Variants in GMDS observed in about 807,000 individuals in gnomAD.
The protein encoded by GMDS is GDP-mannose 4,6-dehydratase.
GMDS carries 20 observed loss-of-function variants against 49.9 expected under a neutral mutation model. The observed-to-expected ratio is 0.40, with a 90% CI of 0.28 to 0.58. GMDS has a LOEUF of 0.58. Ranked by LOEUF, GMDS falls within the 20% of genes least tolerant of loss-of-function variation. The probability of loss-of-function intolerance (pLI) is 0.42; values close to 1 mark genes in which losing one functional copy is unlikely to be tolerated. For missense variants in GMDS, 362 were observed against 481.4 expected (o/e 0.75, Z 2.32); for synonymous variants, 177 against 178.6 (o/e 0.99, Z 0.07).
intron 7 of GMDS, among the ~76,000 whole-genome samples, chr6:1,828,784 A>G (rs1283856530): frequency 6.6e-6 from 1 of 152,218 alleles, no homozygotes. Flanking sequence ...GAAACACCAA[A>G]GTGAGTCTTT....
In GMDS at chr6:1,742,603, G is replaced by C; in HGVS notation, c.772-17C>G. The stretch of plus-strand genomic sequence containing the variant: ...CCACATAGCCTAGAGGGAAAGAGAG[G>C]CAAGTTCACTTTGAAGTCACACTCA... On this transcript the variant is annotated splice_polypyrimidine_tract_variant and intron_variant, in intron 7 of 10. Transcript: ENST00000380815. 3 of 1,402,360 alleles carry C rather than the reference G, an allele frequency of 2.1e-6. No individual in the cohort carries two copies. The highest frequency in any genetic ancestry group is 2.0e-6 in the Non-Finnish European group (2 of 990,408). 86.9% of individuals were successfully genotyped at this position (1,402,360 alleles called of 1,614,324 possible). A position where few individuals can be genotyped will look rare whatever the true frequency, so the allele number is the denominator to read the frequency against.
At position 1,827,328 on chromosome 6, in the gene GMDS, A is replaced by G. The variant is rs200189958; in HGVS notation, c.772-84742T>C. 2.8e-3 allele frequency among the ~76,000 whole-genome samples: 422 copies of G among 150,408 alleles called. 5 individuals are homozygous for G. Among genetic ancestry groups the G allele is most frequent in the East Asian group, 1.6e-3 (8 of 5,076 alleles). Reference sequence around the variant, plus strand: ...GAAAACCTGTATATACACACGTTTTAGAAAACCTGTATATACACACGTTTT... The same window carrying G: ...GAAAACCTGTATATACACACGTTTTGGAAAACCTGTATATACACACGTTTT... On this transcript the variant is annotated intron_variant, in intron 7 of 10. Coordinates refer to ENST00000380815, the MANE Select transcript of GMDS (RefSeq NM_001500.4).
intron 1 of GMDS, among the ~76,000 whole-genome samples, chr6:2,228,053 A>G (rs1478275916): frequency 3.3e-5 from 5 of 152,214 alleles, no homozygotes; most frequent in Admixed American, 2.6e-4. Flanking sequence ...CCTCCCTCCC[A>G]GTGCTGAACC....
intron 9 of GMDS, among the ~76,000 whole-genome samples, chr6:1,697,032 T>C (rs1765368643): frequency 1.3e-5 from 2 of 152,212 alleles, no homozygotes; most frequent in African/African-American, 4.8e-5. Flanking sequence ...ACATGGATGA[T>C]GCAGAGAAGT....
intron 7 of GMDS, among the ~76,000 whole-genome samples, chr6:1,826,758 T>C (rs1206613151): frequency 6.6e-6 from 1 of 152,158 alleles, no homozygotes; most frequent in Non-Finnish European, 1.5e-5. Flanking sequence ...TGTAGAGCTA[T>C]TGTTTATTAT....
At chr6:1,981,550 G>A (rs1765221582) in intron 4 of GMDS, among the ~76,000 whole-genome samples, 1 of 151,992 alleles carries the variant, frequency 6.6e-6, no homozygotes, top group African/African-American at 2.4e-5. Context: ...ACCAAAGAAA[G>A]CCCAGGACCA....
chr6:2,021,187 TTAA>T (rs1768258121), intron 4 of GMDS, among the ~76,000 whole-genome samples: 2 of 152,252 alleles, frequency 1.3e-5, no homozygotes, highest in African/African-American at 4.8e-5. Flanking sequence ...TCATTTGCTT[TTAA>T]GTATTTGAAA....
chr6:2,202,572 A>G (rs993505756), intron 1 of GMDS, among the ~76,000 whole-genome samples: 2 of 151,998 alleles, frequency 1.3e-5, no homozygotes, highest in Non-Finnish European at 2.9e-5. Flanking sequence ...GGCTGATGGA[A>G]GAGAATGGAG....
intron 4 of GMDS, among the ~76,000 whole-genome samples, chr6:1,974,040 C>T (rs1764761012): frequency 6.6e-6 from 1 of 152,052 alleles, no homozygotes; most frequent in African/African-American, 2.4e-5. Flanking sequence ...GCCAAAGCAA[C>T]ATCATATTAT....
chr6:1,947,295 AC>A (rs1214644374), intron 6 of GMDS, among the ~76,000 whole-genome samples: 1 of 152,184 alleles, frequency 6.6e-6, no homozygotes, highest in South Asian at 2.1e-4. Context: ...TCCTCAAAAA[AC>A]ATTTATCAGT....
intron 6 of GMDS, among the ~76,000 whole-genome samples, chr6:1,946,822 G>A (rs1269470634): frequency 6.6e-6 from 1 of 152,188 alleles, no homozygotes; most frequent in African/African-American, 2.4e-5. Context: ...GGCATGTGCT[G>A]GCAGCCCTCC....
chr6:1,867,599 T>C (rs1483304239), intron 7 of GMDS, among the ~76,000 whole-genome samples: 1 of 152,184 alleles, frequency 6.6e-6, no homozygotes, highest in African/African-American at 2.4e-5. Flanking sequence ...CCCCTGGACA[T>C]TCCCTAAGCA....
intron 7 of GMDS, among the ~76,000 whole-genome samples, chr6:1,914,211 C>G (rs1287363198): frequency 7.2e-6 from 1 of 139,750 alleles, no homozygotes. Flanking sequence ...AATCCCAGCA[C>G]TTTGGGAGGC....
chr6:1,945,862 C>T (rs1278468991), intron 6 of GMDS, among the ~76,000 whole-genome samples: 1 of 152,170 alleles, frequency 6.6e-6, no homozygotes, highest in Non-Finnish European at 1.5e-5. Flanking sequence ...ATGTAAACTA[C>T]AAATAATTCT....
intron 4 of GMDS, among the ~76,000 whole-genome samples, chr6:1,987,632 A>G (rs1428381949): frequency 6.6e-6 from 1 of 152,240 alleles, no homozygotes; most frequent in Non-Finnish European, 1.5e-5. Context: ...TAGTAAGTTC[A>G]ATAGTGATAA....
chr6:1,893,999 G>A (rs1760022099), intron 7 of GMDS, among the ~76,000 whole-genome samples: 1 of 152,216 alleles, frequency 6.6e-6, no homozygotes, highest in African/African-American at 2.4e-5. Context: ...CCAGAAGGAT[G>A]GAAGGCACAG....
At chr6:1,769,871 C>T (rs187672630) in intron 7 of GMDS, among the ~76,000 whole-genome samples, 167 of 152,102 alleles carry the variant, frequency 1.1e-3, no homozygotes, top group African/African-American at 2.9e-3. Context: ...GGATTATGGG[C>T]GTGGACCACC....
chr6:2,020,418 T>C (rs1230434496), intron 4 of GMDS, among the ~76,000 whole-genome samples: 1 of 152,088 alleles, frequency 6.6e-6, no homozygotes, highest in Non-Finnish European at 1.5e-5. Context: ...TAAGATTATA[T>C]AAAAAGAATC....
At chr6:1,781,598 G>A (rs1047590029) in intron 7 of GMDS, among the ~76,000 whole-genome samples, 1 of 149,576 alleles carries the variant, frequency 6.7e-6, no homozygotes. Flanking sequence ...CCCAGGTGAG[G>A]CCACCTCAAA....
Sources: gnomAD v4.1 joint callset for allele counts (sites outside exome capture counted in the v4.1 genomes callset) on GRCh38, gnomAD v4.1.1 for gene constraint, MANE v1.5 for transcripts, NCBI Gene and HGNC (gene_info 2026-07-23, HGNC 2026-07-21) for gene names.